Variants in MALRD1 observed in about 807,000 individuals in gnomAD.
The protein encoded by MALRD1 is MAM and LDL receptor class A domain containing 1, also known as MAM and LDL-receptor class A domain-containing protein 1.
MALRD1 carries 247 observed loss-of-function variants against 242.1 expected under a neutral mutation model. The ratio of observed to expected loss-of-function variants is 1.02; its 90% CI spans 0.92 to 1.13. The LOEUF is 1.13. Ranked by LOEUF, MALRD1 falls within the 50% of genes most tolerant of loss-of-function variation. The probability of loss-of-function intolerance (pLI) is 0.00; values close to 1 mark genes in which losing one functional copy is unlikely to be tolerated. For missense variants in MALRD1, 2,989 were observed against 2,533.1 expected (o/e 1.18, Z -3.86); for synonymous variants, 995 against 866.6 (o/e 1.15, Z -2.60).
At chr10:19,405,547 T>C (rs1682283580) in intron 28 of MALRD1, among the ~76,000 whole-genome samples, 1 of 152,172 alleles carries the variant, frequency 6.6e-6, no homozygotes, top group Non-Finnish European at 1.5e-5. Context: ...CATCTCTCTT[T>C]GGTCCCATCC....
Position 19,280,106 on chromosome 10 carries a change from C to T in MALRD1, c.3139C>T (p.Pro1047Ser). Residue 1047 changes from proline (P) to serine (S), a missense_variant, in exon 20 of 40, where the codon CCA becomes TCA. Physicochemically the swap from Pro to Ser is moderately conservative, Grantham distance 74. Coordinates refer to ENST00000454679, the MANE Select transcript of MALRD1 (RefSeq NM_001142308.3). ...PETSVPVTLP[P>S]HNCTDNEFIC... is the part of the protein sequence containing the mutation. ...AACGTCAGTTCCTGTAACATTACCT[C>T]CACACAACTGCACAGACAATGAATT... 6.5e-7 allele frequency: 1 copy of T among 1,541,738 alleles called. No individual in the cohort carries two copies. Among genetic ancestry groups the T allele is most frequent in the Non-Finnish European group, 8.7e-7 (1 of 1,143,854 alleles).
intron 21 of MALRD1, among the ~76,000 whole-genome samples, chr10:19,284,272 T>C (rs563045877): frequency 6.6e-6 from 1 of 152,102 alleles, no homozygotes; most frequent in Non-Finnish European, 1.5e-5. Context: ...TCATTATACT[T>C]TAAGTTTTAG....
intron 32 of MALRD1, among the ~76,000 whole-genome samples, chr10:19,538,750 C>T (rs773124891): frequency 5.9e-5 from 9 of 151,618 alleles, no homozygotes; most frequent in South Asian, 2.1e-4. Context: ...TTATACTTTT[C>T]GTAATATTTT....
intron 28 of MALRD1, among the ~76,000 whole-genome samples, chr10:19,396,939 A>G (rs748219618): frequency 2.2e-4 from 33 of 152,308 alleles, no homozygotes; most frequent in South Asian, 4.1e-4. Flanking sequence ...CATGCTTAAT[A>G]TAGCTGCATT....
chr10:19,731,049 A>G (rs993194572), intron 39 of MALRD1, among the ~76,000 whole-genome samples: 3 of 152,222 alleles, frequency 2.0e-5, no homozygotes, highest in Admixed American at 1.3e-4. Context: ...TTTATACTCA[A>G]AAAGAGCTGA....
At chr10:19,728,351 A>G (rs981832839) in intron 38 of MALRD1, 1 of 152,212 alleles carries the variant, frequency 6.6e-6, no homozygotes, top group Non-Finnish European at 1.5e-5. Context: ...CCCTTTCAGA[A>G]GACAAGTAGC....
chr10:19,709,332 G>A lies in MALRD1; in HGVS notation c.6314+16778G>A, dbSNP rs138009069. Among the ~76,000 whole-genome samples the A allele has an allele frequency of 6.7e-3, 1,010 of 151,814 alleles. 13 individuals carry two copies. Among genetic ancestry groups the A allele is most frequent in the African/African-American group, 0.022 (916 of 41,420 alleles). ...CTTGGGGGCCTGAGGCAGGGGAATC[G>A]CTTGAACCCAGGAGGCAAAGGTTGT... On this transcript the variant is annotated intron_variant, in intron 38 of 39. Transcript: ENST00000454679.
At chr10:19,325,905 A>G (rs1335982990) in intron 22 of MALRD1, among the ~76,000 whole-genome samples, 1 of 152,158 alleles carries the variant, frequency 6.6e-6, no homozygotes, top group Non-Finnish European at 1.5e-5. Context: ...CAATATTAGT[A>G]GTAGGTGCTA....
chr10:19,163,963 C>G lies in MALRD1; in HGVS notation c.1657-1674C>G, dbSNP rs563913228. ...CAGAATTCTGATGGGACATGCACAT[C>G]TCTTGTACAACTAGGTTTAAAGCTC... On this transcript the variant is annotated intron_variant, in intron 12 of 39. Transcript: ENST00000454679. Among the ~76,000 whole-genome samples the G allele has an allele frequency of 5.3e-5, 8 of 152,294 alleles. No homozygotes were observed. In the South Asian group the frequency reaches 1.2e-3, roughly 24 times the overall value.
In MALRD1 at chr10:19,128,147, A is replaced by G. The variant is rs568381109; in HGVS notation, c.944-74A>G. The G allele has an allele frequency of 3.6e-5, 39 of 1,096,666 alleles. No homozygotes were observed. The South Asian group carries it at 1.5e-3, about 43-fold the overall frequency. 67.9% of individuals were successfully genotyped at this position (1,096,666 alleles called of 1,614,324 possible). On this transcript the variant is annotated intron_variant, in intron 7 of 39. Coordinates refer to ENST00000454679, the MANE Select transcript of MALRD1 (RefSeq NM_001142308.3). Reference sequence around the variant, plus strand: ...TAAGTCTAGTTTTGAAAACTTCAGAAATGTAATAGTTTTAGTCAGACAGAA... The same window carrying G: ...TAAGTCTAGTTTTGAAAACTTCAGAGATGTAATAGTTTTAGTCAGACAGAA...
chr10:19,649,135 C>T (rs1024247156), intron 36 of MALRD1, among the ~76,000 whole-genome samples: 5 of 152,142 alleles, frequency 3.3e-5, no homozygotes, highest in African/African-American at 9.7e-5. Context: ...TCCAGTCTGT[C>T]ATTGATGGGC....
rs371707692 is a variant in MALRD1 at position 19,443,428 on chromosome 10, G to C, written c.4846-6879G>C. On this transcript the variant is annotated intron_variant, in intron 28 of 39. Transcript: ENST00000454679. ...TTGCAATGTTAGGGTGTCAATTTTA[G>C]ATCTTTCCTGCTTTCTCTTGTGGGC... 6.3e-4 allele frequency among the ~76,000 whole-genome samples: 96 copies of C among 152,202 alleles called. No individual in the cohort carries two copies. The South Asian group carries it at 0.015, about 23-fold the overall frequency.
chr10:19,088,510 T>A (rs936388061), intron 4 of MALRD1, among the ~76,000 whole-genome samples: 1 of 150,028 alleles, frequency 6.7e-6, no homozygotes, highest in Non-Finnish European at 1.5e-5. Flanking sequence ...TCTACTTTTC[T>A]TACTGCTCCA....
At chr10:19,352,436 C>CA (rs2130999293) in intron 26 of MALRD1, 139 bp downstream of exon 26, 2 of 877,286 alleles carry the variant, frequency 2.3e-6, no homozygotes, top group Non-Finnish European at 3.4e-6. Context: ...TTTTTAAACT[C>CA]AAAAAAATAT....
intron 36 of MALRD1, among the ~76,000 whole-genome samples, chr10:19,678,817 C>T (rs957285055): frequency 5.9e-5 from 9 of 152,052 alleles, no homozygotes; most frequent in African/African-American, 1.4e-4. Flanking sequence ...TTTTGAGATA[C>T]GTTCCATCAA....
intron 1 of MALRD1, among the ~76,000 whole-genome samples, chr10:19,064,456 A>G (rs1210610950): frequency 3.3e-5 from 5 of 151,412 alleles, no homozygotes; most frequent in Admixed American, 3.3e-4. Context: ...TATTTGGAAA[A>G]TTTTCTGATG....
chr10:19,478,176 CAT>C (rs1836829196), intron 29 of MALRD1, among the ~76,000 whole-genome samples: 1 of 152,236 alleles, frequency 6.6e-6, no homozygotes, highest in Non-Finnish European at 1.5e-5. Flanking sequence ...CAATTAAACA[CAT>C]ATCCTTACTG....
intron 31 of MALRD1, among the ~76,000 whole-genome samples, chr10:19,511,854 T>C (rs1353678986): frequency 6.6e-6 from 1 of 151,882 alleles, no homozygotes; most frequent in African/African-American, 2.4e-5. Flanking sequence ...AGAGAAAAAA[T>C]AAAAAAGACA....
chr10:19,277,674 A>G (rs1840597754), intron 19 of MALRD1, among the ~76,000 whole-genome samples: 1 of 152,226 alleles, frequency 6.6e-6, no homozygotes, highest in South Asian at 2.1e-4. Flanking sequence ...CTACAGAAAT[A>G]GGAAATTTTC....
Sources: gnomAD v4.1 joint callset for allele counts (sites outside exome capture counted in the v4.1 genomes callset) on GRCh38, gnomAD v4.1.1 for gene constraint, MANE v1.5 for transcripts, NCBI Gene and HGNC (gene_info 2026-07-23, HGNC 2026-07-21) for gene names.